CARD14: variants seen among roughly 807,000 people sequenced by gnomAD.
CARD14 encodes the protein caspase recruitment domain-containing protein 14.
In CARD14, 107 loss-of-function variants were observed where a neutral mutation model predicts 111.5. The observed-to-expected ratio is 0.96, with a 90% CI of 0.82 to 1.13. CARD14 has a LOEUF of 1.13. Ranked by LOEUF, CARD14 falls within the 50% of genes most tolerant of loss-of-function variation. The pLI, the probability that CARD14 is intolerant of heterozygous loss-of-function variation, is 0.00. For synonymous variants in CARD14, 617 were observed against 579.6 expected, an observed-to-expected ratio of 1.06 and a Z score of -0.93; for missense variants, 1,322 against 1,362.3, an observed-to-expected ratio of 0.97 and a Z score of 0.47.
chr17:80,191,353 G>C lies in CARD14; in HGVS notation c.1120G>C (p.Glu374Gln). The change falls in exon 11 of 24, where the codon GAG (glutamate) becomes CAG (glutamine). Residue 374 changes from glutamate (E) to glutamine (Q), a missense_variant. Glu to Gln is a conservative substitution (Grantham distance 29, BLOSUM62 2). Transcript: ENST00000648509. ...CTCCGCGAGGGACAGTGCTCAGAGG[G>C]AGATTTCCCAGAGCCTGGTGGAGAA... ...AYSARDSAQR[E>Q]ISQSLVEKDS... 1.2e-6 allele frequency: 2 copies of C among 1,613,912 alleles called. No individual in the cohort carries two copies. The highest frequency in any genetic ancestry group is 2.2e-5 in the South Asian group (2 of 91,074).
In CARD14 at chr17:80,204,917, A is replaced by C. The variant is rs540708684; in HGVS notation, c.2399-118A>C. 7 of 847,894 alleles carry C rather than the reference A, an allele frequency of 8.3e-6. No homozygotes were observed. The South Asian group carries it at 1.3e-4, about 16-fold the overall frequency. The allele number at this position is 847,894 out of a possible 1,614,324, so 52.5% of individuals were successfully genotyped here. On this transcript the variant is annotated intron_variant, in intron 20 of 23. Coordinates refer to ENST00000648509, the MANE Select transcript of CARD14 (RefSeq NM_001366385.1). ...GTGACCGCTGAGCCTGTGCCCCTGGAATTCTAGGTGCTGGGGCTGCTGCAG... is the reference window on the plus strand; with the variant it reads ...GTGACCGCTGAGCCTGTGCCCCTGGCATTCTAGGTGCTGGGGCTGCTGCAG...
rs1016527290 is a variant in CARD14, at chr17:80,209,277, G to T, written c.*932G>T. ...AATTCAGGTTGGTATCATCATAAAT[G>T]AGTTCAGAAAAAGAACTTCTGTATA... On this transcript the variant is annotated 3_prime_UTR_variant, in exon 24 of 24. Coordinates refer to ENST00000648509, the MANE Select transcript of CARD14 (RefSeq NM_001366385.1). 3 of 974,254 alleles carry T rather than the reference G, an allele frequency of 3.1e-6. No individual in the cohort carries two copies. Among genetic ancestry groups the T allele is most frequent in the Non-Finnish European group, 3.7e-6 (3 of 819,862 alleles). 60.4% of individuals were successfully genotyped at this position (974,254 alleles called of 1,614,324 possible).
intron 22 of CARD14, chr17:80,205,999 T>A: frequency 5.3e-6 from 1 of 190,080 alleles, no homozygotes; most frequent in Non-Finnish European, 1.1e-5. Context: ...CAGCTTTGTG[T>A]CTGCACAGGC....
chr17:80,205,364 G>A, intron 21 of CARD14, 159 bp downstream of exon 21: 3 of 1,157,990 alleles, frequency 2.6e-6, no homozygotes, highest in Non-Finnish European at 3.7e-6. Context: ...GGATGGAGGT[G>A]CAGGGCACAG....
At position 80,201,655 on chromosome 17, in the gene CARD14, C is replaced by A; in HGVS notation, c.1852-89C>A. On this transcript the variant is annotated intron_variant, in intron 16 of 23. Transcript: ENST00000648509. The surrounding 1 kb of genome is among the most constrained non-coding windows in gnomAD (Gnocchi z 5.0). ...GGTCCTACGGCAGGGCTGGCCCGCGCCTCGCCTCAGTGCCCTCAGCGCCTT... is the reference window on the plus strand; with the variant it reads ...GGTCCTACGGCAGGGCTGGCCCGCGACTCGCCTCAGTGCCCTCAGCGCCTT... The A allele has an allele frequency of 6.9e-7, 1 of 1,443,766 alleles. No homozygotes were observed. The highest frequency in any genetic ancestry group is 9.7e-7 in the Non-Finnish European group (1 of 1,030,166). The allele number at this position is 1,443,766 out of a possible 1,614,324, so 89.4% of individuals were successfully genotyped here. A position where few individuals can be genotyped will look rare whatever the true frequency, so the allele number is the denominator to read the frequency against.
chr17:80,180,640 G>A (rs1276768168), intron 4 of CARD14, among the ~76,000 whole-genome samples: 4 of 151,318 alleles, frequency 2.6e-5, no homozygotes, highest in African/African-American at 7.3e-5. Flanking sequence ...GCAGTGGCAC[G>A]ATCTCGGCTC....
In CARD14 at chr17:80,182,390, C is replaced by T. The variant is rs2040202128; in HGVS notation, c.212-263C>T. 6.6e-6 allele frequency among the ~76,000 whole-genome samples: 1 copy of T among 152,242 alleles called. No individual in the cohort carries two copies. ...CCCGGTCCCCCCGCACTCGCCAGAG[C>T]ACTGGGGTTGCAGTAGTTGCTCGAT... On this transcript the variant is annotated intron_variant, in intron 5 of 23. Transcript: ENST00000648509. The surrounding 1 kb of genome is among the most constrained non-coding windows in gnomAD (Gnocchi z 4.7).
chr17:80,192,428 C>A, intron 11 of CARD14, 75 bp from the exon 12 acceptor site: 1 of 1,109,186 alleles, frequency 9.0e-7, no homozygotes, highest in Non-Finnish European at 1.4e-6. Context: ...GTGGTGCTGA[C>A]CTGGTAGAAA....
chr17:80,207,194 G>A (rs139067602), intron 23 of CARD14, 109 bp downstream of exon 23: 36 of 688,178 alleles, frequency 5.2e-5, no homozygotes, highest in Middle Eastern at 5.4e-4. Context: ...AGGAAGCTGA[G>A]GCGCTGACAG....
chr17:80,172,004 A>T lies in CARD14; in HGVS notation c.-689-902A>T, dbSNP rs528468172. On this transcript the variant is annotated intron_variant, in intron 1 of 23. Coordinates refer to ENST00000648509, the MANE Select transcript of CARD14 (RefSeq NM_001366385.1). ...CTGACCACCAGTCCTGGTCCTCAGG[A>T]TATCCGCAGAGACCTGGCTGTCCAG... Among the ~76,000 whole-genome samples, 20 of 152,338 alleles carry T rather than the reference A, an allele frequency of 1.3e-4. No homozygotes were observed. In the South Asian group the frequency reaches 4.1e-3, roughly 32 times the overall value.
In CARD14 at chr17:80,184,518, C is replaced by T. The variant is rs35335406; in HGVS notation, c.675+280C>T. 0.061 allele frequency among the ~76,000 whole-genome samples: 9,353 copies of T among 152,308 alleles called. 356 individuals are homozygous for T. Among genetic ancestry groups the T allele is most frequent in the South Asian group, 0.089 (428 of 4,822 alleles). On this transcript the variant is annotated intron_variant, in intron 7 of 23. Coordinates refer to ENST00000648509, the MANE Select transcript of CARD14 (RefSeq NM_001366385.1). ...GTCTGTGAACTGCCCATCCTGCTGA[C>T]GCCTGGGCAGGTCTGGACACACTCT...
intron 22 of CARD14, 87 bp downstream of exon 22, chr17:80,205,739 G>A: frequency 7.3e-7 from 1 of 1,370,696 alleles, no homozygotes; most frequent in Non-Finnish European, 9.7e-7. Flanking sequence ...AAGGTACAGG[G>A]ACCGACCTGA....
At position 80,198,565 on chromosome 17, in the gene CARD14, T is replaced by G. The variant is rs766127272; in HGVS notation, c.1825T>G (p.Leu609Val). ...GGGCTCGGCGGCGGACCAGATGGCCTTGCGCCCGGGCACCCAGATTGTGAT... is the reference window on the plus strand; with the variant it reads ...GGGCTCGGCGGCGGACCAGATGGCCGTGCGCCCGGGCACCCAGATTGTGAT... ...TPGSAADQMA[L>V]RPGTQIVMVD... is the part of the protein sequence containing the mutation. The change falls in exon 16 of 24, where the codon TTG becomes GTG. Residue 609 changes from leucine (L) to valine (V), a missense_variant. Transcript: ENST00000648509. This position sits in a 1 kb window ranked among gnomAD's most constrained non-coding sequence, Gnocchi z 7.5. 12 of 1,612,738 alleles carry G rather than the reference T, an allele frequency of 7.4e-6. No individual in the cohort carries two copies. The highest frequency in any genetic ancestry group is 8.5e-6 in the Non-Finnish European group (10 of 1,179,762).
intron 22 of CARD14, 136 bp from the exon 23 acceptor site, chr17:80,206,834 C>G (rs112423473): frequency 2.1e-6 from 1 of 485,490 alleles, no homozygotes; most frequent in Non-Finnish European, 3.7e-6. Context: ...CTCATCTCCT[C>G]TACAAAATTC....
rs781476504 is a variant in CARD14 at position 80,208,340 on chromosome 17, C to A, written c.3010C>A (p.Arg1004=). Reference sequence around the variant, plus strand: ...GGTGGTGTGGACGGAGCAGAGCCCCCGATGATGCACCGTGCCCCTTCCCGG... The same window carrying A: ...GGTGGTGTGGACGGAGCAGAGCCCCAGATGATGCACCGTGCCCCTTCCCGG... The part of the protein sequence containing the change: ...KKVVWTEQSP[R] Residue 1004 remains arginine, a synonymous_variant, in exon 24 of 24, where the codon CGA becomes AGA. Coordinates refer to ENST00000648509, the MANE Select transcript of CARD14 (RefSeq NM_001366385.1). The A allele has an allele frequency of 1.3e-6, 2 of 1,592,954 alleles. No individual in the cohort carries two copies. The highest frequency in any genetic ancestry group is 8.6e-7 in the Non-Finnish European group (1 of 1,168,902).
At chr17:80,194,757 ACT>A (rs1210655342) in intron 12 of CARD14, among the ~76,000 whole-genome samples, 43 of 152,058 alleles carry the variant, frequency 2.8e-4, no homozygotes, top group Non-Finnish European at 1.3e-4. Context: ...GAACTCAGTC[ACT>A]CTCACGAGAA....
Position 80,202,235 on chromosome 17 carries a change from A to T in CARD14, c.2034A>T (p.Ser678=), listed in dbSNP as rs1283690984. 2 of 1,614,012 alleles carry T rather than the reference A, an allele frequency of 1.2e-6. No homozygotes were observed. The highest frequency in any genetic ancestry group is 2.2e-5 in the South Asian group (2 of 91,090). The change falls in exon 18 of 24, where the codon TCA becomes TCT. Residue 678 remains serine, a synonymous_variant. Coordinates refer to ENST00000648509, the MANE Select transcript of CARD14 (RefSeq NM_001366385.1). ...CCAAAGTGGCGACCTCGGGGGACTC[A>T]TTCTACATCCGGGTCAACCTGGCCA... ...LEAKVATSGD[S]FYIRVNLAME...
chr17:80,181,610 C>A lies in CARD14; in HGVS notation c.172C>A (p.Leu58Met). 1 of 1,556,098 alleles carries A rather than the reference C, an allele frequency of 6.4e-7. No individual in the cohort carries two copies. The stretch of plus-strand genomic sequence containing the variant: ...GTGCCAGCTGGACGAGGAGGAGGTG[C>A]TGCACAGCCCCCGGCTCACCAACAG... Reference protein sequence around the residue: ...VLCQLDEEEVLHSPRLTNSAM... With the variant: ...VLCQLDEEEVMHSPRLTNSAM... Residue 58 changes from leucine (L) to methionine (M), a missense_variant, in exon 5 of 24, where the codon CTG becomes ATG. Leu to Met is a conservative substitution (Grantham distance 15). Transcript: ENST00000648509.
intron 2 of CARD14, among the ~76,000 whole-genome samples, chr17:80,177,766 A>G (rs1367021380): frequency 6.6e-6 from 1 of 152,052 alleles, no homozygotes; most frequent in African/African-American, 2.4e-5. Context: ...GCTGGTCTCA[A>G]ACTCCTGAGC....
Sources: allele counts gnomAD v4.1 joint callset (sites outside exome capture counted in the v4.1 genomes callset), GRCh38; gene constraint gnomAD v4.1.1; non-coding constraint Gnocchi (gnomAD v3.1); transcripts MANE v1.5; gene names NCBI Gene and HGNC (gene_info 2026-07-23, HGNC 2026-07-21).